The following ZBTB46 variants were observed in gnomAD, a reference collection of about 807,000 sequenced individuals.
ZBTB46 encodes the protein zinc finger and BTB domain containing 46.
In ZBTB46, 8 loss-of-function variants were observed where a neutral mutation model predicts 44.1. That is an observed-to-expected ratio of 0.18 (90% CI 0.11 to 0.33). The LOEUF (loss-of-function observed/expected upper bound fraction) is 0.33. Among genes scored for constraint, ZBTB46 ranks in the 10% least tolerant of loss-of-function variants. ZBTB46 has a pLI of 1.00. For synonymous variants in ZBTB46, 409 were observed against 382.3 expected, an observed-to-expected ratio of 1.07 and a Z score of -0.81; for missense variants, 651 against 847.7, an observed-to-expected ratio of 0.77 and a Z score of 2.88.
At chr20:63,832,511 C>T (rs965895119), upstream of ZBTB46, among the ~76,000 whole-genome samples, 1 of 152,186 alleles carries the variant, frequency 6.6e-6, no homozygotes, top group African/African-American at 2.4e-5. The surrounding 1 kb of genome is among the most constrained non-coding windows in gnomAD (Gnocchi z 5.0). Flanking sequence ...GTGTGAGGCG[C>T]ATTCAGGAGC....
At chr20:63,799,659 A>G (rs879826016) in intron 1 of ZBTB46, among the ~76,000 whole-genome samples, 1 of 152,218 alleles carries the variant, frequency 6.6e-6, no homozygotes, top group Admixed American at 6.5e-5. Context: ...GGTGAAACTA[A>G]TCTTTTAGCA....
intron 3 of ZBTB46, among the ~76,000 whole-genome samples, chr20:63,763,864 C>T (rs2092296937): frequency 6.6e-6 from 1 of 152,202 alleles, no homozygotes; most frequent in African/African-American, 2.4e-5. Flanking sequence ...TGTTTTGCTT[C>T]TATTTAGGTT....
At chr20:63,777,028 ACCACAC>A (rs1568856859) in intron 2 of ZBTB46, among the ~76,000 whole-genome samples, 6 of 146,818 alleles carry the variant, frequency 4.1e-5, no homozygotes, top group African/African-American at 1.0e-4. Context: ...CCACGGTTCC[ACCACAC>A]GCCACGGTTC....
chr20:63,829,091 T>C (rs1429999258), intron 1 of ZBTB46, among the ~76,000 whole-genome samples: 3 of 152,234 alleles, frequency 2.0e-5, no homozygotes, highest in East Asian at 1.9e-4. Flanking sequence ...CTCTAAATCC[T>C]TGGAGCAGTT....
At chr20:63,818,411 C>T (rs2092772332) in intron 1 of ZBTB46, among the ~76,000 whole-genome samples, 1 of 152,192 alleles carries the variant, frequency 6.6e-6, no homozygotes, top group South Asian at 2.1e-4. Context: ...AGCGCAGTGC[C>T]GCCCCGCAGT....
chr20:63,802,685 C>T (rs2092655904), intron 1 of ZBTB46, among the ~76,000 whole-genome samples: 1 of 140,154 alleles, frequency 7.1e-6, no homozygotes, highest in Non-Finnish European at 1.5e-5. Context: ...TCCCAGGAAC[C>T]GCCGCGGCCG....
At position 63,762,632 on chromosome 20, in the gene ZBTB46, C is replaced by T. The variant is rs1158013901; in HGVS notation, c.1223-9771G>A. Among the ~76,000 whole-genome samples the T allele has an allele frequency of 2.0e-5, 3 of 150,748 alleles. No homozygotes were observed. The East Asian group carries it at 5.8e-4, about 29-fold the overall frequency. ...TCGCGCCACTGCACTCCAGCCTGGG[C>T]AACAGTGAGACTTCTCTCAAAAAAC... is the stretch of plus-strand genomic sequence containing the variant. On this transcript the variant is annotated intron_variant, in intron 3 of 4. Coordinates refer to ENST00000245663, the MANE Select transcript of ZBTB46 (RefSeq NM_001369741.1).
rs543632236 is a variant in ZBTB46 at position 63,792,057 on chromosome 20, C to T, written c.-33-1267G>A. Among the ~76,000 whole-genome samples, 60 of 152,318 alleles carry T rather than the reference C, an allele frequency of 3.9e-4. 1 individual carries two copies. The highest frequency in any genetic ancestry group is 1.8e-3 in the Admixed American group (28 of 15,296). ...TCAACACGGCTTCTCCCGGTGTGCACGTCTGTGTCCAAATGTCACCCTTTC... is the reference window on the plus strand; with the variant it reads ...TCAACACGGCTTCTCCCGGTGTGCATGTCTGTGTCCAAATGTCACCCTTTC... On this transcript the variant is annotated intron_variant, in intron 1 of 4. Coordinates refer to ENST00000245663, the MANE Select transcript of ZBTB46 (RefSeq NM_001369741.1).
At chr20:63,775,446 C>T in intron 3 of ZBTB46, 1 of 465,354 alleles carries the variant, frequency 2.1e-6, no homozygotes, top group Admixed American at 3.9e-5. Flanking sequence ...CCCCTGCCCG[C>T]CGCGCTCACA....
At chr20:63,782,226 G>A (rs1436005580) in intron 2 of ZBTB46, among the ~76,000 whole-genome samples, 1 of 147,610 alleles carries the variant, frequency 6.8e-6, no homozygotes, top group Non-Finnish European at 1.5e-5. Flanking sequence ...GCCACCTTGT[G>A]GCAGAACGAC....
At chr20:63,756,168 T>C (rs2092218782) in intron 3 of ZBTB46, among the ~76,000 whole-genome samples, 1 of 152,210 alleles carries the variant, frequency 6.6e-6, no homozygotes, top group Non-Finnish European at 1.5e-5. Context: ...TGGCCCTTCC[T>C]CTGTCCCCTC....
chr20:63,766,549 A>AAT (rs1323928873), intron 3 of ZBTB46, among the ~76,000 whole-genome samples: 1 of 151,340 alleles, frequency 6.6e-6, no homozygotes, highest in Non-Finnish European at 1.5e-5. Flanking sequence ...AAAAAAAAAA[A>AAT]GCTTCATTTT....
In ZBTB46 at chr20:63,813,733, C is replaced by T. The variant is rs117453534; in HGVS notation, c.-34+17364G>A. 5.3e-3 allele frequency among the ~76,000 whole-genome samples: 812 copies of T among 152,242 alleles called. 1 individual carries two copies. The highest frequency in any genetic ancestry group is 8.5e-3 in the Non-Finnish European group (575 of 68,026). The stretch of plus-strand genomic sequence containing the variant: ...AAGAAACGCAACTTCAGGGACATCA[C>T]CACCCACAAGCAGCACATGGCCCTC... On this transcript the variant is annotated intron_variant, in intron 1 of 4. Coordinates refer to ENST00000245663, the MANE Select transcript of ZBTB46 (RefSeq NM_001369741.1).
chr20:63,769,512 C>T (rs1157790398), intron 3 of ZBTB46: 15 of 916,714 alleles, frequency 1.6e-5, no homozygotes, highest in East Asian at 1.2e-4. Context: ...CCAAGGGTCT[C>T]GCTGGAGGCA....
At chr20:63,797,729 T>G (rs1169843078) in intron 1 of ZBTB46, among the ~76,000 whole-genome samples, 1 of 152,260 alleles carries the variant, frequency 6.6e-6, no homozygotes, top group Admixed American at 6.5e-5. Flanking sequence ...ATTGTGGTTT[T>G]GATTTGCATT....
At chr20:63,798,810 C>T (rs1278804896) in intron 1 of ZBTB46, among the ~76,000 whole-genome samples, 1 of 149,180 alleles carries the variant, frequency 6.7e-6, no homozygotes, top group Non-Finnish European at 1.5e-5. Flanking sequence ...TGCCACTGCA[C>T]TCCAGCCTGG....
chr20:63,754,482 G>A (rs1427876843), intron 3 of ZBTB46, among the ~76,000 whole-genome samples: 2 of 152,014 alleles, frequency 1.3e-5, no homozygotes, highest in South Asian at 4.1e-4. Context: ...TTTTAAACAA[G>A]ATGAGGTCTC....
At chr20:63,788,640 A>G (rs1328926088) in intron 2 of ZBTB46, among the ~76,000 whole-genome samples, 1 of 151,956 alleles carries the variant, frequency 6.6e-6, no homozygotes, top group African/African-American at 2.4e-5. Flanking sequence ...GGAGTTCGAG[A>G]CCATCCTGGC....
chr20:63,793,641 C>G (rs766960915), intron 1 of ZBTB46, among the ~76,000 whole-genome samples: 1 of 151,846 alleles, frequency 6.6e-6, no homozygotes, highest in Non-Finnish European at 1.5e-5. Context: ...AAAACAACAA[C>G]AAAAAAAATG....
Sources: gnomAD v4.1 joint callset for allele counts (sites outside exome capture counted in the v4.1 genomes callset) on GRCh38, gnomAD v4.1.1 for gene constraint, Gnocchi (gnomAD v3.1) non-coding constraint, MANE v1.5 for transcripts, NCBI Gene and HGNC (gene_info 2026-07-23, HGNC 2026-07-21) for gene names.